Variants in FAM187B observed in about 807,000 individuals in gnomAD.
FAM187B encodes protein FAM187B.
In FAM187B, 22 loss-of-function variants were observed where a neutral mutation model predicts 22.6. That is an observed-to-expected ratio of 0.97 (90% CI 0.70 to 1.39). The LOEUF is 1.39. Among genes scored for constraint, FAM187B ranks in the 40% most tolerant of loss-of-function variants. The probability of loss-of-function intolerance (pLI) is 0.00; values close to 1 mark genes in which losing one functional copy is unlikely to be tolerated. For synonymous variants in FAM187B, 192 were observed against 201.8 expected, an observed-to-expected ratio of 0.95 and a Z score of 0.41; for missense variants, 433 against 462.1, an observed-to-expected ratio of 0.94 and a Z score of 0.58.
In FAM187B at chr19:35,225,081, T is replaced by C. The variant is rs1311093687; in HGVS notation, c.854A>G (p.Lys285Arg). ...QLQVFQPAVY[K>R]CFVQQELVAQ... is the part of the protein sequence containing the mutation. ...CACGAGCTCCTGCTGCACGAAGCAC[T>C]TGTAGACGGCCGGCTGGAAAACCTG... The change falls in exon 2 of 2, where the codon AAG becomes AGG. Residue 285 changes from lysine (K) to arginine (R), a missense_variant. Physicochemically the swap from Lys to Arg is conservative, Grantham distance 26. Transcript: ENST00000324675. The C allele has an allele frequency of 1.1e-5, 17 of 1,611,488 alleles. No homozygotes were observed. The highest frequency in any genetic ancestry group is 1.4e-5 in the Non-Finnish European group (16 of 1,178,610).
Position 35,228,453 on chromosome 19 carries a change from G to T in FAM187B, c.228C>A (p.Pro76=). ...GATCTTTAATGAGAAGGCTGCCCTC[G>T]GGCATTATTTCCATATTGGAAATAT... is the stretch of plus-strand genomic sequence containing the variant. ...LTNISNMEIM[P]EGSLLIKDPL... Residue 76 remains proline, a synonymous_variant, in exon 1 of 2, where the codon CCC becomes CCA. Transcript: ENST00000324675. The T allele has an allele frequency of 6.2e-7, 1 of 1,614,156 alleles. No individual in the cohort carries two copies. The highest frequency in any genetic ancestry group is 1.7e-5 in the Admixed American group (1 of 60,026).
At chr19:35,227,296 T>G (rs2065664385) in intron 1 of FAM187B, among the ~76,000 whole-genome samples, 1 of 151,674 alleles carries the variant, frequency 6.6e-6, no homozygotes, top group African/African-American at 2.4e-5. Context: ...CTCGGCTCAC[T>G]GCAACCTCCG....
intron 1 of FAM187B, among the ~76,000 whole-genome samples, chr19:35,227,349 AGCTGGGATTACAGGCAC>A (rs1345141774): frequency 6.6e-6 from 1 of 151,940 alleles, no homozygotes; most frequent in African/African-American, 2.4e-5. Context: ...CCTCCTGAGT[AGCTGGGATTACAGGCAC>A]GTGCCACCAT....
chr19:35,227,213 T>G (rs999379494), intron 1 of FAM187B, among the ~76,000 whole-genome samples: 1 of 151,674 alleles, frequency 6.6e-6, no homozygotes, highest in Non-Finnish European at 1.5e-5. Context: ...ATTTCTGGGG[T>G]TTTTTTGTTT....
At chr19:35,227,647 G>A (rs567154743) in intron 1 of FAM187B, among the ~76,000 whole-genome samples, 228 of 152,208 alleles carry the variant, frequency 1.5e-3, no homozygotes, top group African/African-American at 5.4e-3. Flanking sequence ...GGGAAGCCCC[G>A]GGGGCACCAG....
chr19:35,227,740 A>C (rs546344365), intron 1 of FAM187B, among the ~76,000 whole-genome samples: 1 of 152,260 alleles, frequency 6.6e-6, no homozygotes, highest in Non-Finnish European at 1.5e-5. Flanking sequence ...TTCCCCCATC[A>C]CAGCCCCATC....
At position 35,224,958 on chromosome 19, in the gene FAM187B, C is replaced by A. The variant is rs34640768; in HGVS notation, c.977G>T (p.Arg326Met). The change falls in exon 2 of 2, where the codon AGG (arginine) becomes ATG (methionine). Residue 326 changes from arginine (R) to methionine (M), a missense_variant. Physicochemically the swap from Arg to Met is moderately conservative, Grantham distance 91 (BLOSUM62 -1). Transcript: ENST00000324675. ...WREARKALRG[R>M]ADSVLKGLKL... ...CAGCCCCTTGAGCACGGAGTCCGCC[C>A]TGCCCCGCAGGGCCTTCCTTGCCTC... 1 of 1,613,786 alleles carries A rather than the reference C, an allele frequency of 6.2e-7. No homozygotes were observed. Among genetic ancestry groups the A allele is most frequent in the East Asian group, 2.2e-5 (1 of 44,884 alleles).
chr19:35,224,927 C>A lies in FAM187B; in HGVS notation c.1008G>T (p.Leu336=). The A allele has an allele frequency of 6.2e-7, 1 of 1,613,894 alleles. No homozygotes were observed. Among genetic ancestry groups the A allele is most frequent in the Non-Finnish European group, 8.5e-7 (1 of 1,179,980 alleles). ...CCAGGACGGTGACCACGAGCAGCAC[C>A]AGCTTCAGCCCCTTGAGCACGGAGT... ...RADSVLKGLK[L]VLLVVTVLAL... The change falls in exon 2 of 2, where the codon CTG becomes CTT. Residue 336 remains leucine, a synonymous_variant. Coordinates refer to ENST00000324675, the MANE Select transcript of FAM187B (RefSeq NM_152481.2).
chr19:35,225,163 G>C lies in FAM187B; in HGVS notation c.772C>G (p.Leu258Val). ...AAGGTGGTGAAGTCCTGGCCGGAGA[G>C]CTGGCTCTCCCACGTCAGGGGGGTG... is the stretch of plus-strand genomic sequence containing the variant. The part of the protein sequence containing the change: ...NDTPLTWESQ[L>V]SGQDFTTFLD... The change falls in exon 2 of 2, where the codon CTC becomes GTC. Residue 258 changes from leucine (L) to valine (V), a missense_variant. Physicochemically the swap from Leu to Val is conservative, Grantham distance 32. Coordinates refer to ENST00000324675, the MANE Select transcript of FAM187B (RefSeq NM_152481.2). 6.4e-7 allele frequency: 1 copy of C among 1,550,968 alleles called. No homozygotes were observed.
Position 35,227,953 on chromosome 19 carries a change from C to A in FAM187B, c.722+6G>T. 1 of 1,594,182 alleles carries A rather than the reference C, an allele frequency of 6.3e-7. No individual in the cohort carries two copies. Among genetic ancestry groups the A allele is most frequent in the South Asian group, 1.1e-5 (1 of 88,296 alleles). On this transcript the variant is annotated splice_donor_region_variant and intron_variant, in intron 1 of 1. Transcript: ENST00000324675. ...GGGTAGGGGCCAGAGGCAGGGATTC[C>A]ATCACCTGTACATGGATCCTAAGGG...
intron 1 of FAM187B, 87 bp downstream of exon 1, chr19:35,227,872 G>A: frequency 2.0e-6 from 3 of 1,519,218 alleles, no homozygotes; most frequent in South Asian, 1.3e-5. Context: ...TGCAAAGAAC[G>A]CCCACTCATC....
rs1233717884 is a variant in FAM187B at position 35,228,270 on chromosome 19, G to C, written c.411C>G (p.Ser137Arg). The change falls in exon 1 of 2, where the codon AGC (serine) becomes AGG (arginine). Residue 137 changes from serine to arginine, a missense_variant. Ser to Arg is a moderately radical substitution (Grantham distance 110). Transcript: ENST00000324675. Reference sequence around the variant, plus strand: ...CCCACCAGGTAAAAATGAGCTGTTTGCTGCCCAAATGCAGGGTCTCGTTCT... The same window carrying C: ...CCCACCAGGTAAAAATGAGCTGTTTCCTGCCCAAATGCAGGGTCTCGTTCT... ...PLQNETLHLG[S>R]KQLIFTWWEP... 6.2e-7 allele frequency: 1 copy of C among 1,614,202 alleles called. No homozygotes were observed. Among genetic ancestry groups the C allele is most frequent in the Admixed American group, 1.7e-5 (1 of 60,032 alleles).
At position 35,228,110 on chromosome 19, in the gene FAM187B, G is replaced by A. The variant is rs201396905; in HGVS notation, c.571C>T (p.Arg191Cys). 161 of 1,614,236 alleles carry A rather than the reference G, an allele frequency of 1.0e-4. 2 individuals carry two copies. Among genetic ancestry groups the A allele is most frequent in the South Asian group, 9.1e-4 (83 of 91,088 alleles). ...TCCACCTGCAGCTCAGGCCGCAAGC[G>A]GCTAGACCACACCAGCACCTCTCCC... ...YLGEVLVWSS[R>C]LRPELQVEAC... Residue 191 changes from arginine to cysteine, a missense_variant, in exon 1 of 2, where the codon CGC becomes TGC. By Grantham distance (180) the Arg-to-Cys change is radical (BLOSUM62 -3). Transcript: ENST00000324675.
In FAM187B at chr19:35,224,836, C is replaced by T; in HGVS notation, c.1099G>A (p.Val367Met). 1 of 1,608,388 alleles carries T rather than the reference C, an allele frequency of 6.2e-7. No individual in the cohort carries two copies. The highest frequency in any genetic ancestry group is 8.5e-7 in the Non-Finnish European group (1 of 1,176,428). ...SPGRRSTQVL[V>M]VK is the part of the protein sequence containing the mutation. The stretch of plus-strand genomic sequence containing the variant: ...ACCGGGGGCTCGCTTTATTTCACCA[C>T]CAGCACCTGTGTGCTTCTCCTGCCC... The change falls in exon 2 of 2, where the codon GTG becomes ATG. Residue 367 changes from valine to methionine, a missense_variant. Transcript: ENST00000324675.
At chr19:35,227,439 C>G (rs1022945083) in intron 1 of FAM187B, among the ~76,000 whole-genome samples, 1 of 152,086 alleles carries the variant, frequency 6.6e-6, no homozygotes, top group South Asian at 2.1e-4. Flanking sequence ...AGGCTGGTCT[C>G]GAACTCCTGA....
intron 1 of FAM187B, among the ~76,000 whole-genome samples, chr19:35,226,857 C>T (rs1374533873): frequency 2.6e-5 from 4 of 152,198 alleles, no homozygotes; most frequent in Admixed American, 2.6e-4. Flanking sequence ...TTCCCAGAAC[C>T]TCAGAATGTA....
rs1373085822 is a variant in FAM187B at position 35,228,024 on chromosome 19, G to A, written c.657C>T (p.Asp219=). ...TQLRVDYVIF[D]NFRLDEKTEF... ...CTGTCTTCTCATCGAGCCTGAAGTT[G>A]TCAAAAATGACGTAATCCACCCTTA... Residue 219 remains aspartate (D), a synonymous_variant, in exon 1 of 2, where the codon GAC becomes GAT. Transcript: ENST00000324675. The A allele has an allele frequency of 1.2e-6, 2 of 1,614,226 alleles. No individual in the cohort carries two copies. The highest frequency in any genetic ancestry group is 1.6e-4 in the Middle Eastern group (1 of 6,062).
In FAM187B at chr19:35,224,804, C is replaced by A. The variant is rs1347368523; in HGVS notation, c.*21G>T. On this transcript the variant is annotated 3_prime_UTR_variant, in exon 2 of 2. Coordinates refer to ENST00000324675, the MANE Select transcript of FAM187B (RefSeq NM_152481.2). ...AAGAGAGAACCGGAGGCCGGGTCCG[C>A]TTGTGCACCGGGGGCTCGCTTTATT... The A allele has an allele frequency of 6.3e-7, 1 of 1,584,820 alleles. No homozygotes were observed. The highest frequency in any genetic ancestry group is 8.6e-7 in the Non-Finnish European group (1 of 1,163,790).
chr19:35,225,158 G>A lies in FAM187B; in HGVS notation c.777C>T (p.Ser259=), dbSNP rs1330311719. Residue 259 remains serine, a synonymous_variant, in exon 2 of 2, where the codon TCC becomes TCT. Transcript: ENST00000324675. ...CCAGAAAGGTGGTGAAGTCCTGGCC[G>A]GAGAGCTGGCTCTCCCACGTCAGGG... ...DTPLTWESQL[S]GQDFTTFLDP... The A allele has an allele frequency of 5.1e-6, 8 of 1,556,360 alleles. No homozygotes were observed. In the East Asian group the frequency reaches 6.8e-5, roughly 13 times the overall value.
Sources: allele counts gnomAD v4.1 joint callset (sites outside exome capture counted in the v4.1 genomes callset), GRCh38; gene constraint gnomAD v4.1.1; transcripts MANE v1.5; gene names NCBI Gene and HGNC (gene_info 2026-07-23, HGNC 2026-07-21).